COPG2: variants seen among roughly 807,000 people sequenced by gnomAD.
The protein encoded by COPG2 is coatomer subunit gamma-2.
COPG2 carries 37 observed loss-of-function variants against 46.3 expected under a neutral mutation model. The observed-to-expected ratio is 0.80, with a 90% CI of 0.61 to 1.05. COPG2 has a LOEUF of 1.05. Among genes scored for constraint, COPG2 ranks in the 50% least tolerant of loss-of-function variants. COPG2 has a pLI of 0.00. For synonymous variants in COPG2, 159 were observed against 129.7 expected, an observed-to-expected ratio of 1.23 and a Z score of -1.53; for missense variants, 427 against 387.8, an observed-to-expected ratio of 1.10 and a Z score of -0.85.
chr7:130,589,281 CT>C lies in COPG2; in HGVS notation c.737+21671del, dbSNP rs782136713. On this transcript the variant is annotated intron_variant, in intron 9 of 23. Transcript: ENST00000425248. ...GGATTCCAAACACTGTACAGGTTTA[CT>C]TTTTTTTTTTTTAAGAGTCGGGTCT... Among the ~76,000 whole-genome samples, 2,485 of 144,734 alleles carry C rather than the reference CT, an allele frequency of 0.017. 86 individuals carry two copies. The East Asian group carries it at 0.18, about 10-fold the overall frequency. 95.0% of individuals were successfully genotyped at this position (144,734 alleles called of 152,430 possible).
At chr7:130,643,682 G>A (rs2129906) in intron 5 of COPG2, among the ~76,000 whole-genome samples, 4,089 of 152,198 alleles carry the variant, frequency 0.027, 85 homozygotes, top group Non-Finnish European at 0.042. Flanking sequence ...AACAAGCTAC[G>A]CATCGTGGTT....
At chr7:130,548,667 C>T in intron 18 of COPG2, 125 bp from the exon 19 acceptor site, 1 of 383,148 alleles carries the variant, frequency 2.6e-6, no homozygotes, top group Non-Finnish European at 4.6e-6. Context: ...CTTTGGGAGG[C>T]CGAGGCAGGC....
At chr7:130,553,276 CATT>C (rs1793561694) in intron 14 of COPG2, among the ~76,000 whole-genome samples, 1 of 151,530 alleles carries the variant, frequency 6.6e-6, no homozygotes, top group African/African-American at 2.4e-5. Flanking sequence ...TTAATCTCAA[CATT>C]ATTATTAAAG....
intron 4 of COPG2, among the ~76,000 whole-genome samples, chr7:130,660,296 C>A (rs1317430651): frequency 1.3e-5 from 2 of 152,184 alleles, no homozygotes; most frequent in Non-Finnish European, 2.9e-5. Flanking sequence ...TACAGCACCT[C>A]GTCTGACTCC....
Position 130,634,406 on chromosome 7 carries a change from G to A in COPG2, c.324-17341C>T, listed in dbSNP as rs1210739879. Among the ~76,000 whole-genome samples the A allele has an allele frequency of 2.0e-5, 3 of 152,238 alleles. No homozygotes were observed. In the East Asian group the frequency reaches 5.8e-4, roughly 29 times the overall value. On this transcript the variant is annotated intron_variant, in intron 5 of 23. Coordinates refer to ENST00000425248, the MANE Select transcript of COPG2 (RefSeq NM_012133.6). Reference sequence around the variant, plus strand: ...TCCTCTCTTATTTCCTTGAGAAGTAGTTTGTAGTTCTCCTTGAAGAGGTCC... The same window carrying A: ...TCCTCTCTTATTTCCTTGAGAAGTAATTTGTAGTTCTCCTTGAAGAGGTCC...
At chr7:130,553,202 C>T (rs1793560446) in intron 14 of COPG2, among the ~76,000 whole-genome samples, 1 of 151,956 alleles carries the variant, frequency 6.6e-6, no homozygotes, top group Non-Finnish European at 1.5e-5. Flanking sequence ...GAGCAAAGGA[C>T]CCATGTTGGA....
chr7:130,626,400 A>ATTTTTTTTTTTTTTTTTTTTTTTTT (rs60484682), intron 5 of COPG2, among the ~76,000 whole-genome samples: 1 of 119,842 alleles, frequency 8.3e-6, no homozygotes, highest in Non-Finnish European at 1.7e-5. Flanking sequence ...CACCAGGCTA[A>ATTTTTTTTTTTTTTTTTTTTTTTTT]TTTTTTTTTT....
chr7:130,618,364 T>C (rs1554453201), intron 5 of COPG2, among the ~76,000 whole-genome samples: 1 of 152,164 alleles, frequency 6.6e-6, no homozygotes, highest in East Asian at 1.9e-4. Flanking sequence ...GTTTTCATCA[T>C]TAGATTTTAA....
intron 5 of COPG2, among the ~76,000 whole-genome samples, chr7:130,645,068 C>CAAAAA (rs59544911): frequency 1.4e-4 from 16 of 113,436 alleles, no homozygotes; most frequent in Non-Finnish European, 2.7e-4. Flanking sequence ...ATCCCAAAAA[C>CAAAAA]AAAAAAAAAA....
intron 19 of COPG2, among the ~76,000 whole-genome samples, chr7:130,548,137 G>A (rs1381759233): frequency 6.6e-6 from 1 of 152,170 alleles, no homozygotes; most frequent in Non-Finnish European, 1.5e-5. Context: ...CTACCCTGAT[G>A]TTAAATGCTG....
chr7:130,653,047 G>T, intron 4 of COPG2, 99 bp from the exon 5 acceptor site: 1 of 720,472 alleles, frequency 1.4e-6, no homozygotes, highest in Non-Finnish European at 2.2e-6. Context: ...ATTTTAGAAA[G>T]ATATTCTTTA....
chr7:130,661,439 T>C (rs1795977295), intron 4 of COPG2, among the ~76,000 whole-genome samples: 1 of 152,222 alleles, frequency 6.6e-6, no homozygotes, highest in African/African-American at 2.4e-5. Context: ...AGTTTTCTAG[T>C]CTAATTCCTC....
At chr7:130,668,509 GC>G in intron 1 of COPG2, 122 bp downstream of exon 1, 1 of 827,082 alleles carries the variant, frequency 1.2e-6, no homozygotes, top group Non-Finnish European at 1.7e-6. Flanking sequence ...GCCGGCTCCA[GC>G]TCCGGCCCCC....
intron 20 of COPG2, among the ~76,000 whole-genome samples, chr7:130,518,550 T>G (rs1361868489): frequency 1.3e-5 from 2 of 152,182 alleles, no homozygotes; most frequent in Non-Finnish European, 2.9e-5. Context: ...TCCATCACTG[T>G]GATTATCGAT....
intron 6 of COPG2, among the ~76,000 whole-genome samples, chr7:130,616,460 G>A (rs1442150080): frequency 6.6e-6 from 1 of 152,096 alleles, no homozygotes; most frequent in African/African-American, 2.4e-5. Context: ...TGTGGTGGTG[G>A]GTGCCTCAAA....
intron 9 of COPG2, among the ~76,000 whole-genome samples, chr7:130,607,240 C>CATTCATAA (rs1794750756): frequency 6.9e-6 from 1 of 145,862 alleles, no homozygotes; most frequent in African/African-American, 2.6e-5. Flanking sequence ...GAGAGACTGT[C>CATTCATAA]ATAAATAAAT....
At chr7:130,656,876 T>C (rs1483131312) in intron 4 of COPG2, among the ~76,000 whole-genome samples, 2 of 151,670 alleles carry the variant, frequency 1.3e-5, no homozygotes, top group Non-Finnish European at 2.9e-5. Context: ...TCTCCTAAAA[T>C]TGCTCTTTAG....
chr7:130,584,260 TC>T (rs1283473694), intron 9 of COPG2, among the ~76,000 whole-genome samples: 1 of 151,924 alleles, frequency 6.6e-6, no homozygotes, highest in African/African-American at 2.4e-5. Flanking sequence ...AAATCCAGCA[TC>T]CCTTTATGAT....
intron 9 of COPG2, among the ~76,000 whole-genome samples, chr7:130,574,542 C>T (rs376562240): frequency 5.9e-5 from 9 of 152,152 alleles, no homozygotes; most frequent in Non-Finnish European, 1.3e-4. Context: ...AGAATCAGAA[C>T]AACAGACTTC....
Sources: allele counts gnomAD v4.1 joint callset (sites outside exome capture counted in the v4.1 genomes callset), GRCh38; gene constraint gnomAD v4.1.1; transcripts MANE v1.5; gene names NCBI Gene and HGNC (gene_info 2026-07-23, HGNC 2026-07-21).